HEG1: variants seen among roughly 807,000 people sequenced by gnomAD.
HEG1 encodes protein HEG homolog 1.
HEG1 carries 56 observed loss-of-function variants against 125.6 expected under a neutral mutation model. That is an observed-to-expected ratio of 0.45 (90% CI 0.36 to 0.56). The LOEUF (loss-of-function observed/expected upper bound fraction) is 0.56. HEG1 is among the 20% of genes least tolerant of loss of function. The pLI, the probability that HEG1 is intolerant of heterozygous loss-of-function variation, is 0.00. For synonymous variants in HEG1, 644 were observed against 668.5 expected (o/e 0.96, Z 0.57); for missense variants, 1,523 against 1,670.0 (o/e 0.91, Z 1.53).
chr3:124,971,013 A>G, intron 16 of HEG1: 1 of 624,512 alleles, frequency 1.6e-6, no homozygotes, highest in Non-Finnish European at 2.9e-6. Context: ...AACCATGCAG[A>G]AGGCAACTGA....
intron 11 of HEG1, among the ~76,000 whole-genome samples, chr3:125,000,577 C>A (rs1936985562): frequency 6.6e-6 from 1 of 151,944 alleles, no homozygotes; most frequent in Non-Finnish European, 1.5e-5. Context: ...TCAATAGTAA[C>A]TTCAACTTCA....
intron 1 of HEG1, among the ~76,000 whole-genome samples, chr3:125,053,663 T>C (rs1301162970): frequency 6.6e-6 from 1 of 152,204 alleles, no homozygotes; most frequent in Non-Finnish European, 1.5e-5. Context: ...CTCACATGTA[T>C]TCCTTCCAGT....
chr3:124,990,342 T>G (rs369907704), intron 14 of HEG1, among the ~76,000 whole-genome samples: 2 of 62,164 alleles, frequency 3.2e-5, no homozygotes, highest in South Asian at 1.3e-3. Flanking sequence ...GTTTTTTGGG[T>G]TTTTTTTTTT....
intron 3 of HEG1, among the ~76,000 whole-genome samples, chr3:125,025,334 C>T (rs1050068840): frequency 1.3e-5 from 2 of 152,178 alleles, no homozygotes; most frequent in South Asian, 2.1e-4. Flanking sequence ...CTGGTGAGAA[C>T]CCCATTTAAC....
At chr3:124,993,881 T>C (rs1936872950) in intron 12 of HEG1, among the ~76,000 whole-genome samples, 1 of 152,256 alleles carries the variant, frequency 6.6e-6, no homozygotes, top group East Asian at 1.9e-4. Context: ...GATGTCATGA[T>C]ATTTCTCTAT....
rs1936303522 is a variant in HEG1, at chr3:124,966,029, A to C, written c.*4623T>G. On this transcript the variant is annotated 3_prime_UTR_variant, in exon 17 of 17. Transcript: ENST00000311127. ...CACAAACATTAACAAAACTCAGAGC[A>C]ACTCATGATGAAACAGTCGTTCTCT... The C allele has an allele frequency of 6.6e-6, 1 of 152,228 alleles. No individual in the cohort carries two copies. The highest frequency in any genetic ancestry group is 2.1e-4 in the South Asian group (1 of 4,832). 9.4% of individuals were successfully genotyped at this position (152,228 alleles called of 1,614,324 possible).
At chr3:124,999,432 T>C (rs1936969368) in intron 11 of HEG1, among the ~76,000 whole-genome samples, 1 of 152,214 alleles carries the variant, frequency 6.6e-6, no homozygotes, top group African/African-American at 2.4e-5. Context: ...TATAAAGAAA[T>C]TCCTCCAGGG....
intron 1 of HEG1, among the ~76,000 whole-genome samples, chr3:125,054,113 TAC>T (rs1222879666): frequency 6.6e-6 from 1 of 152,246 alleles, no homozygotes; most frequent in Non-Finnish European, 1.5e-5. Context: ...CACAAAATAC[TAC>T]ACAGTGTTCC....
At chr3:124,971,672 AG>A (rs1936426554) in intron 16 of HEG1, among the ~76,000 whole-genome samples, 1 of 151,654 alleles carries the variant, frequency 6.6e-6, no homozygotes, top group Non-Finnish European at 1.5e-5. Flanking sequence ...TTGTATTTTT[AG>A]TAGAGACGTG....
chr3:124,978,802 AAAATAAAT>A (rs10673332), intron 14 of HEG1, among the ~76,000 whole-genome samples: 3,780 of 140,066 alleles, frequency 0.027, 167 homozygotes, highest in African/African-American at 0.092. Flanking sequence ...CTCTGTCTCA[AAAATAAAT>A]AAATAAATAA....
chr3:124,990,655 C>T (rs1936817477), intron 14 of HEG1, 132 bp downstream of exon 14: 2 of 854,062 alleles, frequency 2.3e-6, no homozygotes, highest in Middle Eastern at 3.0e-4. Context: ...TTTGTTTCCC[C>T]CATGCCATTG....
chr3:124,973,942 G>C, intron 15 of HEG1, 37 bp from the exon 16 acceptor site: 1 of 1,384,076 alleles, frequency 7.2e-7, no homozygotes, highest in Non-Finnish European at 1.0e-6. Context: ...GCTCAATTCC[G>C]TAAAGAAGTG....
intron 14 of HEG1, among the ~76,000 whole-genome samples, chr3:124,986,787 T>C (rs1434925581): frequency 6.6e-6 from 1 of 152,220 alleles, no homozygotes; most frequent in African/African-American, 2.4e-5. Context: ...AAATCTTGGC[T>C]ACTTCCAGAA....
chr3:125,021,276 C>T (rs1937332388), intron 3 of HEG1, 146 bp from the exon 4 acceptor site: 2 of 638,862 alleles, frequency 3.1e-6, no homozygotes, highest in Admixed American at 5.9e-5. Context: ...TATCTATACA[C>T]ACGCATGCTA....
chr3:124,970,808 G>A lies in HEG1; in HGVS notation c.3997-7C>T. The A allele has an allele frequency of 6.2e-7, 1 of 1,603,420 alleles. No homozygotes were observed. Among genetic ancestry groups the A allele is most frequent in the East Asian group, 2.2e-5 (1 of 44,702 alleles). ...GATTCCTTACACTTGTAGGCTGGTT[G>A]CCAAAGAGAAAAGAAGAAAAGTCAA... On this transcript the variant is annotated splice_region_variant and splice_polypyrimidine_tract_variant and intron_variant, in intron 16 of 16. Coordinates refer to ENST00000311127, the MANE Select transcript of HEG1 (RefSeq NM_020733.2).
At chr3:125,005,468 A>G (rs1937059378) in intron 8 of HEG1, 100 bp from the exon 9 acceptor site, 1 of 614,144 alleles carries the variant, frequency 1.6e-6, no homozygotes, top group Non-Finnish European at 2.8e-6. Context: ...ACTCCACCTC[A>G]CAGGACAATC....
At chr3:125,009,964 C>G (rs12053844) in intron 7 of HEG1, 140 bp from the exon 8 acceptor site, 4 of 814,982 alleles carry the variant, frequency 4.9e-6, no homozygotes, top group Non-Finnish European at 7.1e-6. Flanking sequence ...AACACTCTTG[C>G]CCTCAAGGGG....
chr3:125,009,572 C>A, intron 8 of HEG1, 133 bp downstream of exon 8: 3 of 870,060 alleles, frequency 3.4e-6, no homozygotes, highest in South Asian at 2.3e-5. Context: ...CAATAGCTTC[C>A]ACTTTTTTCT....
chr3:125,029,418 A>G lies in HEG1; in HGVS notation c.387T>C (p.Asn129=). The part of the protein sequence containing the change: ...AHVENITFYQ[N]QEDFSTVSSK... The stretch of plus-strand genomic sequence containing the variant: ...AGGACACTGTTGAAAAGTCCTCTTG[A>G]TTCTGATAGAAGGTGATGTTTTCTA... Residue 129 remains asparagine (N), a synonymous_variant, in exon 2 of 17, where the codon AAT becomes AAC. Coordinates refer to ENST00000311127, the MANE Select transcript of HEG1 (RefSeq NM_020733.2). 2 of 1,608,000 alleles carry G rather than the reference A, an allele frequency of 1.2e-6. No individual in the cohort carries two copies. The highest frequency in any genetic ancestry group is 1.7e-6 in the Non-Finnish European group (2 of 1,179,840).
Sources: allele counts gnomAD v4.1 joint callset (sites outside exome capture counted in the v4.1 genomes callset), GRCh38; gene constraint gnomAD v4.1.1; transcripts MANE v1.5; gene names NCBI Gene and HGNC (gene_info 2026-07-23, HGNC 2026-07-21).